The following CRYBA1 variants were observed in gnomAD, a reference collection of about 807,000 sequenced individuals.
The protein encoded by CRYBA1 is crystallin beta A1.
A neutral mutation model predicts 36.2 loss-of-function variants in CRYBA1; 25 were observed. That is an observed-to-expected ratio of 0.69 (90% CI 0.50 to 0.97). CRYBA1 has a LOEUF of 0.97. Among genes scored for constraint, CRYBA1 ranks in the 50% least tolerant of loss-of-function variants. The probability of loss-of-function intolerance (pLI) is 0.00; values close to 1 mark genes in which losing one functional copy is unlikely to be tolerated. For synonymous variants in CRYBA1, 111 were observed against 90.0 expected (o/e 1.23, Z -1.32); for missense variants, 224 against 276.3 (o/e 0.81, Z 1.34).
rs138633445 is a variant in CRYBA1, at chr17:29,249,237, C to T, written c.96+31C>T. Reference sequence around the variant, plus strand: ...CCCACCCCCATCACATCCAACAGGGCAGGGGTGACATGCTGCACAGAGCAG... The same window carrying T: ...CCCACCCCCATCACATCCAACAGGGTAGGGGTGACATGCTGCACAGAGCAG... On this transcript the variant is annotated intron_variant, in intron 2 of 5. Transcript: ENST00000225387. The T allele has an allele frequency of 1.5e-3, 2,146 of 1,458,448 alleles. 60 individuals are homozygous for T. In the Admixed American group the frequency reaches 0.034, roughly 23 times the overall value. The allele number at this position is 1,458,448 out of a possible 1,614,324, so 90.3% of individuals were successfully genotyped here.
At chr17:29,253,482 T>C (rs573367572) in intron 4 of CRYBA1, among the ~76,000 whole-genome samples, 158 bp from the exon 5 acceptor site, 8 of 152,354 alleles carry the variant, frequency 5.3e-5, no homozygotes, top group Non-Finnish European at 1.0e-4. Context: ...ATAAACAAAA[T>C]TATGGGTAAC....
chr17:29,254,415 G>A lies in CRYBA1; in HGVS notation c.*66G>A. On this transcript the variant is annotated 3_prime_UTR_variant, in exon 6 of 6. Transcript: ENST00000225387. ...GACCTTGCTAAGCACTCTAGAATAA[G>A]TTTTATGTTCTGCTCACAGACATTG... The A allele has an allele frequency of 7.2e-6, 11 of 1,532,370 alleles. No individual in the cohort carries two copies. In the South Asian group the frequency reaches 1.2e-4, roughly 17 times the overall value. 94.9% of individuals were successfully genotyped at this position (1,532,370 alleles called of 1,614,324 possible).
chr17:29,248,108 C>T (rs1337329195), intron 1 of CRYBA1, among the ~76,000 whole-genome samples: 1 of 150,018 alleles, frequency 6.7e-6, no homozygotes, highest in East Asian at 2.0e-4. Flanking sequence ...AAGAGTGAAA[C>T]TCTATCTCAA....
intron 2 of CRYBA1, 31 bp downstream of exon 2, chr17:29,249,237 C>A: frequency 1.4e-6 from 2 of 1,458,432 alleles, no homozygotes; most frequent in South Asian, 2.3e-5. Flanking sequence ...TCCAACAGGG[C>A]AGGGGTGACA....
In CRYBA1 at chr17:29,249,172, C is replaced by T; in HGVS notation, c.62C>T (p.Thr21Ile). Residue 21 changes from threonine to isoleucine, a missense_variant, in exon 2 of 6, where the codon ACC becomes ATC. Physicochemically the swap from Thr to Ile is moderately conservative, Grantham distance 89 (BLOSUM62 -1). Coordinates refer to ENST00000225387, the MANE Select transcript of CRYBA1 (RefSeq NM_005208.5). ...CTTCCAACCACCAAGATGGCTCAGA[C>T]CAACCCTACGCCGGGGTCCCTGGGG... ...ETLPTTKMAQ[T>I]NPTPGSLGPW... 1 of 1,613,478 alleles carries T rather than the reference C, an allele frequency of 6.2e-7. No homozygotes were observed. Among genetic ancestry groups the T allele is most frequent in the Non-Finnish European group, 8.5e-7 (1 of 1,179,422 alleles).
chr17:29,253,003 A>G (rs748155263), intron 4 of CRYBA1, among the ~76,000 whole-genome samples: 68 of 152,236 alleles, frequency 4.5e-4, no homozygotes, highest in Non-Finnish European at 5.9e-5. Context: ...TATAACTGAC[A>G]TACAGTAAAA....
chr17:29,246,894 GGTGA>G lies in CRYBA1; in HGVS notation c.31+3_31+6del, dbSNP rs759775425. 2.4e-5 allele frequency: 39 copies of G among 1,611,150 alleles called. No individual in the cohort carries two copies. Among genetic ancestry groups the G allele is most frequent in the South Asian group, 2.2e-5 (2 of 90,376 alleles). The stretch of plus-strand genomic sequence containing the variant: ...GACCCAGGCTGAGCAGCAGGAGCTG[GGTGA>G]GTAAGGCCCTCAGGGTGCCCTTGCC... On this transcript the variant is annotated splice_donor_variant and splice_donor_region_variant and intron_variant, in intron 1 of 5. Coordinates refer to ENST00000225387, the MANE Select transcript of CRYBA1 (RefSeq NM_005208.5). LOFTEE classifies it high-confidence loss of function.
chr17:29,252,862 G>C (rs1364854647), intron 4 of CRYBA1, among the ~76,000 whole-genome samples: 6 of 152,118 alleles, frequency 3.9e-5, no homozygotes, highest in Non-Finnish European at 7.4e-5. Context: ...ATCTCATCTT[G>C]GTTCAAAGTC....
rs147994059 is a variant in CRYBA1, at chr17:29,250,258, G to C, written c.173G>C (p.Arg58Pro). 2.5e-6 allele frequency: 4 copies of C among 1,613,290 alleles called. No homozygotes were observed. The Admixed American group carries it at 5.0e-5, about 20-fold the overall frequency. Residue 58 changes from arginine (R) to proline (P), a missense_variant, in exon 3 of 6, where the codon CGC becomes CCC. Arg to Pro is a moderately radical substitution (Grantham distance 103, BLOSUM62 -2). Coordinates refer to ENST00000225387, the MANE Select transcript of CRYBA1 (RefSeq NM_005208.5). ...AGCTCCTGTCCAAATGTCTCTGAGC[G>C]CAGTTTTGATAATGTCCGGTCCCTG... is the stretch of plus-strand genomic sequence containing the variant. ...FTSSCPNVSE[R>P]SFDNVRSLKV...
intron 4 of CRYBA1, 38 bp from the exon 5 acceptor site, chr17:29,253,602 C>G (rs951794120): frequency 6.5e-7 from 1 of 1,546,164 alleles, no homozygotes; most frequent in Non-Finnish European, 8.9e-7. Flanking sequence ...AGCCATAGCA[C>G]TAGTACTAAA....
At chr17:29,247,525 C>T (rs1415519420) in intron 1 of CRYBA1, among the ~76,000 whole-genome samples, 1 of 152,200 alleles carries the variant, frequency 6.6e-6, no homozygotes, top group Non-Finnish European at 1.5e-5. Context: ...ATGTAGATAG[C>T]CATTTTTGAG....
intron 3 of CRYBA1, among the ~76,000 whole-genome samples, chr17:29,251,654 T>C (rs1261681583): frequency 3.3e-5 from 5 of 152,148 alleles, no homozygotes; most frequent in Non-Finnish European, 7.3e-5. Context: ...GGCTAATTTT[T>C]GAGTTTTGTA....
chr17:29,246,947 A>G (rs988030980), intron 1 of CRYBA1, 53 bp downstream of exon 1: 3 of 1,569,320 alleles, frequency 1.9e-6, no homozygotes, highest in African/African-American at 2.7e-5. Context: ...CCCTGCAGAG[A>G]CATGCCCAGG....
At position 29,254,231 on chromosome 17, in the gene CRYBA1, G is replaced by A. The variant is rs768221342; in HGVS notation, c.530G>A (p.Arg177His). The change falls in exon 6 of 6, where the codon CGT (arginine) becomes CAT (histidine). Residue 177 changes from arginine to histidine, a missense_variant. Physicochemically the swap from Arg to His is conservative, Grantham distance 29 (BLOSUM62 0). Coordinates refer to ENST00000225387, the MANE Select transcript of CRYBA1 (RefSeq NM_005208.5). ...AWVCYQYPGYRGYQYILECDH... is the reference protein window; with the variant it reads ...AWVCYQYPGYHGYQYILECDH... ...GTTTGCTACCAATATCCTGGATATC[G>A]TGGGTATCAGTATATCTTGGAATGT... 4.3e-6 allele frequency: 7 copies of A among 1,614,034 alleles called. No individual in the cohort carries two copies. Among genetic ancestry groups the A allele is most frequent in the East Asian group, 2.2e-5 (1 of 44,880 alleles).
At chr17:29,254,149 T>C in intron 5 of CRYBA1, 53 bp from the exon 6 acceptor site, 2 of 1,596,568 alleles carry the variant, frequency 1.3e-6, no homozygotes, top group Non-Finnish European at 1.7e-6. Context: ...TTTTGGGGTA[T>C]TAACCAGATT....
Position 29,254,226 on chromosome 17 carries a change from A to G in CRYBA1, c.525A>G (p.Gly175=), listed in dbSNP as rs200582711. The G allele has an allele frequency of 6.8e-6, 11 of 1,614,070 alleles. No individual in the cohort carries two copies. The highest frequency in any genetic ancestry group is 9.3e-6 in the Non-Finnish European group (11 of 1,180,030). Residue 175 remains glycine, a synonymous_variant, in exon 6 of 6, where the codon GGA becomes GGG. Transcript: ENST00000225387. ...SGAWVCYQYP[G]YRGYQYILEC... is the part of the protein sequence containing the mutation. The stretch of plus-strand genomic sequence containing the variant: ...GCTGGGTTTGCTACCAATATCCTGG[A>G]TATCGTGGGTATCAGTATATCTTGG...
chr17:29,252,205 TGTGA>T lies in CRYBA1; in HGVS notation c.357+3_357+6del. The stretch of plus-strand genomic sequence containing the variant: ...TGTCCTTCCGCCCCATCTGTTCAGC[TGTGA>T]GTCTCTGAAATTTCCACTTCCGTGC... On this transcript the variant is annotated splice_donor_variant and splice_donor_region_variant and intron_variant, in intron 4 of 5. Transcript: ENST00000225387. LOFTEE classifies it high-confidence loss of function. 3 of 1,614,094 alleles carry T rather than the reference TGTGA, an allele frequency of 1.9e-6. No homozygotes were observed. Among genetic ancestry groups the T allele is most frequent in the Non-Finnish European group, 2.5e-6 (3 of 1,180,012 alleles).
Position 29,254,410 on chromosome 17 carries a change from A to G in CRYBA1, c.*61A>G. On this transcript the variant is annotated 3_prime_UTR_variant, in exon 6 of 6. Coordinates refer to ENST00000225387, the MANE Select transcript of CRYBA1 (RefSeq NM_005208.5). The stretch of plus-strand genomic sequence containing the variant: ...CATGAGACCTTGCTAAGCACTCTAG[A>G]ATAAGTTTTATGTTCTGCTCACAGA... 1 of 1,554,754 alleles carries G rather than the reference A, an allele frequency of 6.4e-7. No individual in the cohort carries two copies. The highest frequency in any genetic ancestry group is 2.2e-5 in the East Asian group (1 of 44,612).
rs1488961885 is a variant in CRYBA1 at position 29,252,021 on chromosome 17, T to TA, written c.216-42dup. ...AAGATGCCTTCTCCCCAAGGCCATA[T>TA]AGGCTTTGAACACCATGAACAAACA... On this transcript the variant is annotated intron_variant, in intron 3 of 5. Coordinates refer to ENST00000225387, the MANE Select transcript of CRYBA1 (RefSeq NM_005208.5). 12 of 1,613,914 alleles carry TA rather than the reference T, an allele frequency of 7.4e-6. No homozygotes were observed. The Admixed American group carries it at 1.3e-4, about 18-fold the overall frequency.
Sources: allele counts gnomAD v4.1 joint callset (sites outside exome capture counted in the v4.1 genomes callset), GRCh38; gene constraint gnomAD v4.1.1; transcripts MANE v1.5; gene names NCBI Gene and HGNC (gene_info 2026-07-23, HGNC 2026-07-21).